Variants in TRAK1 observed in about 807,000 individuals in gnomAD.
TRAK1 encodes the protein trafficking kinesin protein 1.
In TRAK1, 33 loss-of-function variants were observed where a neutral mutation model predicts 92.1. The ratio of observed to expected loss-of-function variants is 0.36; its 90% CI spans 0.27 to 0.48. The LOEUF (loss-of-function observed/expected upper bound fraction) is 0.48, where lower values mean the gene tolerates loss of function less well. Among genes scored for constraint, TRAK1 ranks in the 20% least tolerant of loss-of-function variants. TRAK1 has a pLI of 0.99. For missense variants in TRAK1, 1,123 were observed against 1,257.9 expected (o/e 0.89, Z 1.62); for synonymous variants, 521 against 517.3 (o/e 1.01, Z -0.10).
At position 42,191,618 on chromosome 3, in the gene TRAK1, G is replaced by T; in HGVS notation, c.751G>T (p.Asp251Tyr). The T allele has an allele frequency of 6.2e-7, 1 of 1,603,206 alleles. No individual in the cohort carries two copies. Among genetic ancestry groups the T allele is most frequent in the Non-Finnish European group, 8.5e-7 (1 of 1,174,862 alleles). Residue 251 changes from aspartate to tyrosine, a missense_variant, in exon 7 of 16, where the codon GAC (aspartate) becomes TAC (tyrosine). Coordinates refer to ENST00000327628, the MANE Select transcript of TRAK1 (RefSeq NM_001042646.3). ...GGAGAAGGAGCAGCAGCTGGTCAAT[G>T]ACTGCGTGAAGGAGCTGAGTATGTC... ...YEEKEQQLVNDCVKELRDANV... is the reference protein window; with the variant it reads ...YEEKEQQLVNYCVKELRDANV...
chr3:42,103,922 A>G (rs1465494754), intron 1 of TRAK1, among the ~76,000 whole-genome samples: 2 of 152,172 alleles, frequency 1.3e-5, no homozygotes, highest in African/African-American at 2.4e-5. Flanking sequence ...TTCCTAGCAA[A>G]GGGAAGCCAT....
At chr3:42,182,586 C>T (rs1468320937) in intron 3 of TRAK1, among the ~76,000 whole-genome samples, 2 of 152,152 alleles carry the variant, frequency 1.3e-5, no homozygotes, top group African/African-American at 4.8e-5. Context: ...CTATTTACAG[C>T]TCATTTTTGA....
At chr3:42,143,398 G>A (rs1196231649) in intron 2 of TRAK1, among the ~76,000 whole-genome samples, 1 of 151,408 alleles carries the variant, frequency 6.6e-6, no homozygotes, top group Non-Finnish European at 1.5e-5. Context: ...GGCTTAGGAC[G>A]GGGATCATTC....
Position 42,184,739 on chromosome 3 carries a change from A to C in TRAK1, c.418A>C (p.Asn140His). The change falls in exon 4 of 16, where the codon AAC (asparagine) becomes CAC (histidine). Residue 140 changes from asparagine to histidine, a missense_variant. Transcript: ENST00000327628. ...ARIGQSLLKK[N>H]KTLTERNELL... ...CATCGGCCAGTCGTTGTTGAAGAAG[A>C]ACAAGACCCTAACCGAGAGGAACGA... 1.2e-6 allele frequency: 2 copies of C among 1,614,176 alleles called. No individual in the cohort carries two copies. Among genetic ancestry groups the C allele is most frequent in the Non-Finnish European group, 1.7e-6 (2 of 1,180,026 alleles).
At chr3:42,197,854 G>A (rs1282709879) in intron 10 of TRAK1, among the ~76,000 whole-genome samples, 1 of 152,216 alleles carries the variant, frequency 6.6e-6, no homozygotes, top group Non-Finnish European at 1.5e-5. Flanking sequence ...TGAGGTGGAT[G>A]CCCTGGAGTC....
At chr3:42,140,404 C>T (rs183031519) in intron 2 of TRAK1, among the ~76,000 whole-genome samples, 5 of 152,194 alleles carry the variant, frequency 3.3e-5, no homozygotes, top group Non-Finnish European at 4.4e-5. Context: ...CTGAGGCAGG[C>T]GGATCATGAG....
At chr3:42,046,129 C>T (rs1276886830) in intron 1 of TRAK1, among the ~76,000 whole-genome samples, 1 of 152,122 alleles carries the variant, frequency 6.6e-6, no homozygotes, top group African/African-American at 2.4e-5. Context: ...TTTCCTATGT[C>T]AGGCCGGTAT....
intron 1 of TRAK1, among the ~76,000 whole-genome samples, chr3:42,044,371 G>C (rs1458577443): frequency 1.3e-5 from 2 of 152,180 alleles, no homozygotes; most frequent in Non-Finnish European, 1.5e-5. Context: ...CGTGCTACCC[G>C]GGCTGGTCTC....
intron 2 of TRAK1, among the ~76,000 whole-genome samples, chr3:42,153,685 C>T (rs1417987705): frequency 6.6e-6 from 1 of 152,182 alleles, no homozygotes; most frequent in Admixed American, 6.5e-5. Context: ...CTCTGTTCCT[C>T]ACTTGATTTC....
intron 7 of TRAK1, among the ~76,000 whole-genome samples, chr3:42,192,248 A>G (rs1278250182): frequency 6.6e-6 from 1 of 152,078 alleles, no homozygotes; most frequent in Non-Finnish European, 1.5e-5. Context: ...AGCTACAGAA[A>G]ACTGTGTTGA....
chr3:42,130,197 G>A (rs1242644650), intron 2 of TRAK1, among the ~76,000 whole-genome samples: 5 of 151,956 alleles, frequency 3.3e-5, no homozygotes, highest in African/African-American at 7.3e-5. Flanking sequence ...CACATAACAC[G>A]CAGCAGACAG....
rs1279154468 is a variant in TRAK1 at position 42,113,375 on chromosome 3, CCTACCCCTACCCCTACCCCTACCT to C, written c.92-12021_92-11998del. Among the ~76,000 whole-genome samples, 153 of 78,010 alleles carry C rather than the reference CCTACCCCTACCCCTACCCCTACCT, an allele frequency of 2.0e-3. 1 individual carries two copies. The highest frequency in any genetic ancestry group is 0.016 in the South Asian group (27 of 1,688). The allele number at this position is 78,010 out of a possible 152,430, so 51.2% of individuals were successfully genotyped here. A position where few individuals can be genotyped will look rare whatever the true frequency, so the allele number is the denominator to read the frequency against. On this transcript the variant is annotated intron_variant, in intron 1 of 15. Transcript: ENST00000327628. ...TCCTACGCCTACGCCTACGCCTACC[CCTACCCCTACCCCTACCCCTACCT>C]CTACCCCTACCCCTACCCCTACCCT...
Position 42,184,759 on chromosome 3 carries a change from G to A in TRAK1, c.438G>A (p.Arg146=), listed in dbSNP as rs1352765911. 6.8e-6 allele frequency: 11 copies of A among 1,613,982 alleles called. No homozygotes were observed. Among genetic ancestry groups the A allele is most frequent in the South Asian group, 1.1e-5 (1 of 91,078 alleles). ...AGAAGAACAAGACCCTAACCGAGAGGAACGAGCTGCTGGAGGAGCAGGTGG... is the reference window on the plus strand; with the variant it reads ...AGAAGAACAAGACCCTAACCGAGAGAAACGAGCTGCTGGAGGAGCAGGTGG... ...LLKKNKTLTE[R]NELLEEQVEH... is the part of the protein sequence containing the mutation. Residue 146 remains arginine, a synonymous_variant, in exon 4 of 16, where the codon AGG becomes AGA. Coordinates refer to ENST00000327628, the MANE Select transcript of TRAK1 (RefSeq NM_001042646.3).
chr3:42,166,830 C>A (rs564931116), intron 2 of TRAK1, among the ~76,000 whole-genome samples: 67 of 152,334 alleles, frequency 4.4e-4, no homozygotes, highest in African/African-American at 1.6e-3. Flanking sequence ...TGGCAAGTGG[C>A]ACCATGCTCC....
At chr3:42,219,043 G>T (rs1039583048) in intron 14 of TRAK1, 2 of 985,336 alleles carry the variant, frequency 2.0e-6, no homozygotes, top group African/African-American at 3.5e-5. Context: ...CAGGTTTCAA[G>T]TGCCTCTCCC....
In TRAK1 at chr3:42,186,221, AT is replaced by A. The variant is rs961111385; in HGVS notation, c.480+1421del. Among the ~76,000 whole-genome samples, 39 of 152,086 alleles carry A rather than the reference AT, an allele frequency of 2.6e-4. No homozygotes were observed. In the Middle Eastern group the frequency reaches 0.01, roughly 40 times the overall value. On this transcript the variant is annotated intron_variant, in intron 4 of 15. Coordinates refer to ENST00000327628, the MANE Select transcript of TRAK1 (RefSeq NM_001042646.3). ...GGTCTCAAACTCCTGGGCTCAAGCA[AT>A]CCACCCGCCTTGGTCTCCCAAAATG...
chr3:42,188,971 G>A (rs1169155529), intron 5 of TRAK1, 45 bp from the exon 6 acceptor site: 3 of 1,416,568 alleles, frequency 2.1e-6, no homozygotes, highest in Admixed American at 1.7e-5. Flanking sequence ...CAGGTGGTGG[G>A]AGGAAATGCG....
At chr3:42,180,411 T>G (rs1703835434) in intron 3 of TRAK1, among the ~76,000 whole-genome samples, 1 of 152,092 alleles carries the variant, frequency 6.6e-6, no homozygotes, top group Non-Finnish European at 1.5e-5. Flanking sequence ...GGTGGGAGGA[T>G]TGCTTGAGGC....
chr3:42,075,459 A>G (rs184596873), intron 1 of TRAK1, among the ~76,000 whole-genome samples: 3 of 151,010 alleles, frequency 2.0e-5, no homozygotes, highest in Non-Finnish European at 4.4e-5. Flanking sequence ...ACATGTGCTT[A>G]TGTGTTTATG....
Sources: gnomAD v4.1 joint callset for allele counts (sites outside exome capture counted in the v4.1 genomes callset) on GRCh38, gnomAD v4.1.1 for gene constraint, MANE v1.5 for transcripts, NCBI Gene and HGNC (gene_info 2026-07-23, HGNC 2026-07-21) for gene names.